GLRA3: variants seen among roughly 807,000 people sequenced by gnomAD.
GLRA3 encodes glycine receptor alpha 3.
GLRA3 carries 44 observed loss-of-function variants against 60.4 expected under a neutral mutation model. That is an observed-to-expected ratio of 0.73 (90% CI 0.57 to 0.94). The LOEUF (loss-of-function observed/expected upper bound fraction) is 0.94. Ranked by LOEUF, GLRA3 falls within the 40% of genes least tolerant of loss-of-function variation. The pLI is 0.00. For synonymous variants in GLRA3, 223 were observed against 192.9 expected (o/e 1.16, Z -1.29); for missense variants, 508 against 564.6 (o/e 0.90, Z 1.02).
chr4:174,643,770 G>A lies in GLRA3; in HGVS notation c.*16C>T, dbSNP rs1255779298. 2 of 1,604,788 alleles carry A rather than the reference G, an allele frequency of 1.2e-6. No homozygotes were observed. Among genetic ancestry groups the A allele is most frequent in the African/African-American group, 2.7e-5 (2 of 74,432 alleles). On this transcript the variant is annotated 3_prime_UTR_variant, in exon 10 of 10. Coordinates refer to ENST00000274093, the MANE Select transcript of GLRA3 (RefSeq NM_006529.4). Reference sequence around the variant, plus strand: ...TCTTCTGAATTGACCATTTGCATTTGCATGCCCCCAGAGACTTAATCTTGC... The same window carrying A: ...TCTTCTGAATTGACCATTTGCATTTACATGCCCCCAGAGACTTAATCTTGC...
intron 7 of GLRA3, among the ~76,000 whole-genome samples, chr4:174,667,757 G>C (rs1415064642): frequency 1.3e-5 from 2 of 152,110 alleles, no homozygotes; most frequent in Non-Finnish European, 2.9e-5. Flanking sequence ...TCTAAGCACG[G>C]AATGCTCATC....
intron 1 of GLRA3, among the ~76,000 whole-genome samples, chr4:174,824,186 C>A (rs1740864464): frequency 6.6e-6 from 1 of 152,154 alleles, no homozygotes; most frequent in Non-Finnish European, 1.5e-5. Flanking sequence ...CTCCAACTAT[C>A]CAAATCCTCT....
At position 174,642,787 on chromosome 4, in the gene GLRA3, A is replaced by G; in HGVS notation, c.*999T>C. On this transcript the variant is annotated 3_prime_UTR_variant, in exon 10 of 10. Coordinates refer to ENST00000274093, the MANE Select transcript of GLRA3 (RefSeq NM_006529.4). ...GAGACCCATAAAACATTGATGGGAA[A>G]ATGGTTTTTATTAAAAAATCTTCCA... 4 of 801,936 alleles carry G rather than the reference A, an allele frequency of 5.0e-6. No individual in the cohort carries two copies. In the South Asian group the frequency reaches 2.3e-4, roughly 46 times the overall value. 49.7% of individuals were successfully genotyped at this position (801,936 alleles called of 1,614,324 possible).
chr4:174,669,431 G>A (rs1392122843), intron 7 of GLRA3, among the ~76,000 whole-genome samples: 1 of 152,076 alleles, frequency 6.6e-6, no homozygotes, highest in African/African-American at 2.4e-5. Context: ...GATATTGTGA[G>A]TTTCGACATT....
intron 2 of GLRA3, among the ~76,000 whole-genome samples, chr4:174,785,411 A>C (rs921739724): frequency 1.3e-5 from 2 of 152,214 alleles, no homozygotes; most frequent in African/African-American, 4.8e-5. Flanking sequence ...CTCCAGAAAT[A>C]AATTCATAAT....
At chr4:174,673,995 T>C (rs529365261) in intron 7 of GLRA3, among the ~76,000 whole-genome samples, 4 of 152,126 alleles carry the variant, frequency 2.6e-5, no homozygotes, top group Non-Finnish European at 4.4e-5. Flanking sequence ...TTCAGAAACA[T>C]TTACTTCTTT....
rs565349138 is a variant in GLRA3 at position 174,682,439 on chromosome 4, A to T, written c.712+363T>A. ...TTTCTTTTTTAAAAAATGCAATTTA[A>T]AAAAAAATGTTCTTAACAGATACAG... On this transcript the variant is annotated intron_variant, in intron 6 of 9. Transcript: ENST00000274093. 2.9e-3 allele frequency among the ~76,000 whole-genome samples: 442 copies of T among 151,808 alleles called. 2 individuals are homozygous for T. The highest frequency in any genetic ancestry group is 0.026 in the South Asian group (125 of 4,826).
chr4:174,759,458 G>C (rs1185166425), intron 3 of GLRA3, among the ~76,000 whole-genome samples: 2 of 152,048 alleles, frequency 1.3e-5, no homozygotes, highest in Non-Finnish European at 2.9e-5. Flanking sequence ...AATAAAGAGA[G>C]TGATGCATCG....
At chr4:174,826,966 A>G (rs1328022031) in intron 1 of GLRA3, among the ~76,000 whole-genome samples, 1 of 151,084 alleles carries the variant, frequency 6.6e-6, no homozygotes, top group Non-Finnish European at 1.5e-5. Context: ...AAAGTTCTTC[A>G]TAGAGTGATA....
At chr4:174,713,268 T>C (rs1735790434) in intron 5 of GLRA3, among the ~76,000 whole-genome samples, 1 of 152,152 alleles carries the variant, frequency 6.6e-6, no homozygotes, top group Non-Finnish European at 1.5e-5. Context: ...GAGGCTCTCT[T>C]TTCTCATGTT....
Position 174,711,722 on chromosome 4 carries a change from G to A in GLRA3, c.574+3766C>T, listed in dbSNP as rs188102315. Among the ~76,000 whole-genome samples, 228 of 152,188 alleles carry A rather than the reference G, an allele frequency of 1.5e-3. 1 individual carries two copies. Among genetic ancestry groups the A allele is most frequent in the African/African-American group, 5.2e-3 (218 of 41,524 alleles). On this transcript the variant is annotated intron_variant, in intron 5 of 9. Coordinates refer to ENST00000274093, the MANE Select transcript of GLRA3 (RefSeq NM_006529.4). ...CCTAAAATGCTGGGATTAAAGGCGT[G>A]AGCCACGGCATATTGATTTTTTACC...
At chr4:174,827,970 C>A (rs1741045561) in intron 1 of GLRA3, among the ~76,000 whole-genome samples, 1 of 151,982 alleles carries the variant, frequency 6.6e-6, no homozygotes, top group Non-Finnish European at 1.5e-5. Context: ...TCTATATGAG[C>A]AGTACCTTAT....
intron 5 of GLRA3, among the ~76,000 whole-genome samples, chr4:174,714,786 G>T (rs1229265634): frequency 6.6e-6 from 1 of 152,094 alleles, no homozygotes; most frequent in Non-Finnish European, 1.5e-5. Flanking sequence ...ATTAATTTAG[G>T]ACTAATTATA....
At chr4:174,774,041 C>G (rs1012214038) in intron 2 of GLRA3, among the ~76,000 whole-genome samples, 11 of 152,070 alleles carry the variant, frequency 7.2e-5, no homozygotes, top group Admixed American at 1.3e-4. Context: ...ATGGGGCCAT[C>G]CTGGCTTGCA....
intron 1 of GLRA3, among the ~76,000 whole-genome samples, chr4:174,796,661 C>T (rs1739583427): frequency 1.3e-5 from 2 of 151,950 alleles, no homozygotes; most frequent in African/African-American, 2.4e-5. Context: ...CTCAGCCCCC[C>T]GAGTAGCTGG....
intron 6 of GLRA3, among the ~76,000 whole-genome samples, 157 bp from the exon 7 acceptor site, chr4:174,677,449 T>C (rs1173135698): frequency 1.3e-5 from 2 of 151,960 alleles, no homozygotes; most frequent in African/African-American, 4.8e-5. Flanking sequence ...AGCCTGCGCC[T>C]CCTGGATTCA....
At chr4:174,666,164 T>C (rs1445263252) in intron 7 of GLRA3, among the ~76,000 whole-genome samples, 2 of 152,128 alleles carry the variant, frequency 1.3e-5, no homozygotes, top group African/African-American at 4.8e-5. Flanking sequence ...ACAATGTAAA[T>C]TGGAATTCCT....
intron 5 of GLRA3, among the ~76,000 whole-genome samples, chr4:174,709,315 A>T (rs1735624066): frequency 6.6e-6 from 1 of 152,036 alleles, no homozygotes; most frequent in South Asian, 2.1e-4. Flanking sequence ...AATTTAAAAC[A>T]GTTAGTGAAA....
intron 1 of GLRA3, among the ~76,000 whole-genome samples, chr4:174,814,901 C>T (rs1296488117): frequency 1.3e-5 from 2 of 152,150 alleles, no homozygotes; most frequent in African/African-American, 4.8e-5. Flanking sequence ...GATTTCAAAA[C>T]CAATCATGCC....
Sources: gnomAD v4.1 joint callset for allele counts (sites outside exome capture counted in the v4.1 genomes callset) on GRCh38, gnomAD v4.1.1 for gene constraint, MANE v1.5 for transcripts, NCBI Gene and HGNC (gene_info 2026-07-23, HGNC 2026-07-21) for gene names.